Variants in FRMPD4 observed in about 807,000 individuals in gnomAD.
FRMPD4 encodes the protein FERM and PDZ domain-containing protein 4.
A neutral mutation model predicts 94.1 loss-of-function variants in FRMPD4; 22 were observed. The observed-to-expected ratio is 0.23, with a 90% CI of 0.17 to 0.33. The LOEUF (loss-of-function observed/expected upper bound fraction) is 0.33. Ranked by LOEUF, FRMPD4 falls within the 10% of genes least tolerant of loss-of-function variation. The probability of loss-of-function intolerance (pLI) is 1.00; values close to 1 mark genes in which losing one functional copy is unlikely to be tolerated. For missense variants in FRMPD4, 1,111 were observed against 1,339.9 expected (o/e 0.83, Z 2.67); for synonymous variants, 631 against 548.6 (o/e 1.15, Z -2.10).
chrX:12,158,843 AT>A (rs912146482), intron 1 of FRMPD4, among the ~76,000 whole-genome samples: 1 of 111,870 alleles, frequency 8.9e-6, no homozygotes, highest in Non-Finnish European at 1.9e-5. Context: ...TAGGAGTAGA[AT>A]TGTTAGCTCT....
chrX:12,032,018 G>A (rs1421290437), intron 3 of FRMPD4, among the ~76,000 whole-genome samples: 1 of 111,717 alleles, frequency 9.0e-6, no homozygotes, highest in Non-Finnish European at 1.9e-5. Flanking sequence ...CCCAGGTTTT[G>A]GTTTGGTGGC....
At position 11,845,395 on chromosome X, in the gene FRMPD4, C is replaced by A. The variant is rs761588177; in HGVS notation, c.-160-19691C>A. ...ACTTATGGCAATAATTAATAGCTTA[C>A]CAACCAAAAAGAGTCCAGGACCAGA... is the stretch of plus-strand genomic sequence containing the variant. On this transcript the variant is annotated intron_variant, in intron 1 of 18. Transcript: ENST00000640291. Among the ~76,000 whole-genome samples, 269 of 111,438 alleles carry A rather than the reference C, an allele frequency of 2.4e-3. 2 individuals are homozygous for A. The highest frequency in any genetic ancestry group is 8.5e-3 in the African/African-American group (260 of 30,632).
chrX:12,027,957 T>C (rs2054669766), intron 3 of FRMPD4, among the ~76,000 whole-genome samples: 1 of 112,349 alleles, frequency 8.9e-6, no homozygotes, highest in South Asian at 3.7e-4. Context: ...TTGCCAACCA[T>C]TGAATTTTAT....
At chrX:12,507,301 G>A (rs1413244005) in intron 2 of FRMPD4, among the ~76,000 whole-genome samples, 4 of 112,277 alleles carry the variant, frequency 3.6e-5, no homozygotes, top group Non-Finnish European at 7.5e-5. Context: ...TGGTCACATA[G>A]TAAATATTTT....
intron 2 of FRMPD4, among the ~76,000 whole-genome samples, chrX:12,501,142 A>G (rs940693860): frequency 1.8e-5 from 2 of 112,277 alleles, no homozygotes; most frequent in African/African-American, 6.5e-5. Flanking sequence ...CATTTTTAAG[A>G]GCCAGCCTGG....
intron 3 of FRMPD4, among the ~76,000 whole-genome samples, chrX:12,095,418 TAAATG>T (rs1410703090): frequency 1.8e-5 from 2 of 110,365 alleles, no homozygotes; most frequent in Admixed American, 9.7e-5. Context: ...ATGTGAAAAT[TAAATG>T]AAACTCAAAT....
At chrX:11,848,071 A>C (rs1238768333) in intron 1 of FRMPD4, among the ~76,000 whole-genome samples, 2 of 110,699 alleles carry the variant, frequency 1.8e-5, no homozygotes, top group East Asian at 2.8e-4. Flanking sequence ...AAAAAAGAAA[A>C]ATAATATGAT....
chrX:12,013,196 A>T (rs375702164), intron 3 of FRMPD4, among the ~76,000 whole-genome samples: 1 of 112,064 alleles, frequency 8.9e-6, no homozygotes, highest in East Asian at 2.8e-4. Context: ...TCACAAGCTT[A>T]GCATTGTATT....
intron 1 of FRMPD4, among the ~76,000 whole-genome samples, chrX:12,325,735 C>G (rs1032653796): frequency 4.5e-5 from 5 of 112,219 alleles, no homozygotes; most frequent in Admixed American, 9.4e-5. Context: ...AAAATGCAGA[C>G]CCTCAGGCCC....
intron 1 of FRMPD4, among the ~76,000 whole-genome samples, chrX:12,426,079 G>A (rs184676003): frequency 8.9e-6 from 1 of 112,342 alleles, no homozygotes; most frequent in African/African-American, 3.2e-5. Flanking sequence ...TCTTATGACT[G>A]TTACTTGAGC....
At chrX:11,853,030 A>G (rs2053634042) in intron 1 of FRMPD4, among the ~76,000 whole-genome samples, 1 of 112,359 alleles carries the variant, frequency 8.9e-6, no homozygotes, top group Non-Finnish European at 1.9e-5. Context: ...CAAATGCAAA[A>G]GTACTGAAAT....
At chrX:12,359,276 C>G (rs1335934563) in intron 1 of FRMPD4, among the ~76,000 whole-genome samples, 1 of 111,428 alleles carries the variant, frequency 9.0e-6, no homozygotes, top group Non-Finnish European at 1.9e-5. Context: ...GGTGGGAGTA[C>G]AGAAATATAC....
intron 1 of FRMPD4, among the ~76,000 whole-genome samples, chrX:12,366,215 A>G (rs1438926588): frequency 1.8e-5 from 2 of 112,023 alleles, no homozygotes; most frequent in African/African-American, 6.5e-5. Flanking sequence ...GAAGGCAAAG[A>G]ATATGGTCAG....
intron 1 of FRMPD4, among the ~76,000 whole-genome samples, chrX:12,367,989 C>T (rs747603114): frequency 2.7e-5 from 3 of 111,856 alleles, no homozygotes; most frequent in Non-Finnish European, 5.6e-5. Context: ...TCTTTCTCAC[C>T]CATCCTCCTG....
intron 1 of FRMPD4, among the ~76,000 whole-genome samples, chrX:11,840,062 A>G (rs767674388): frequency 9.0e-6 from 1 of 111,592 alleles, no homozygotes; most frequent in Admixed American, 9.6e-5. Flanking sequence ...TTAACGCTGC[A>G]TTTCCATATA....
chrX:12,473,443 T>G (rs1168030647), intron 1 of FRMPD4, among the ~76,000 whole-genome samples: 12 of 108,105 alleles, frequency 1.1e-4, no homozygotes, highest in Admixed American at 6.8e-4. Flanking sequence ...CATAATGACA[T>G]GATCAAATTC....
At chrX:11,828,402 A>G (rs1185935789) in intron 1 of FRMPD4, among the ~76,000 whole-genome samples, 2 of 112,658 alleles carry the variant, frequency 1.8e-5, no homozygotes, top group Admixed American at 1.9e-4. Flanking sequence ...CTATTTAGGT[A>G]TCTGCTATTT....
At position 12,717,730 on chromosome X, in the gene FRMPD4, G is replaced by T. The variant is rs768684415; in HGVS notation, c.2904G>T (p.Ser968=). ...TPAGGLPPKS[S]HALAARPATD... ...CTGGGGGCTTGCCTCCAAAGTCCTC[G>T]CACGCCCTGGCTGCTAGGCCAGCAA... is the stretch of plus-strand genomic sequence containing the variant. The change falls in exon 16 of 17, where the codon TCG becomes TCT. Residue 968 remains serine, a synonymous_variant. Coordinates refer to ENST00000675598, the MANE Select transcript of FRMPD4 (RefSeq NM_001368397.1). 1 of 1,211,458 alleles carries T rather than the reference G, an allele frequency of 8.3e-7. No individual in the cohort carries two copies.
intron 3 of FRMPD4, among the ~76,000 whole-genome samples, chrX:12,107,673 A>G (rs1431294920): frequency 8.9e-6 from 1 of 111,911 alleles, no homozygotes; most frequent in Non-Finnish European, 1.9e-5. Context: ...TGAAACCTTG[A>G]AAAAAGAGTA....
Sources: gnomAD v4.1 joint callset for allele counts (sites outside exome capture counted in the v4.1 genomes callset) on GRCh38, gnomAD v4.1.1 for gene constraint, MANE v1.5 for transcripts, NCBI Gene and HGNC (gene_info 2026-07-23, HGNC 2026-07-21) for gene names.